Variants in EDDM3A observed in about 807,000 individuals in gnomAD.
EDDM3A encodes epididymal secretory protein E3-alpha.
For synonymous variants in EDDM3A, 75 were observed against 60.4 expected (o/e 1.24, Z -1.12); for missense variants, 199 against 177.4 (o/e 1.12, Z -0.69).
chr14:20,737,986 G>C, the EDDM3A span, among the ~76,000 whole-genome samples: 3 of 152,210 alleles, frequency 2.0e-5, no homozygotes, highest in African/African-American at 7.2e-5. Context: ...AAAGACCAAA[G>C]TATCAACATT....
intron 1 of EDDM3A, among the ~76,000 whole-genome samples, chr14:20,746,814 G>C (rs1433531851): frequency 6.6e-6 from 1 of 152,122 alleles, no homozygotes; most frequent in Non-Finnish European, 1.5e-5. Context: ...TTCTGCCTAG[G>C]AACCACCTCC....
the EDDM3A span, among the ~76,000 whole-genome samples, chr14:20,740,372 C>G: frequency 6.6e-6 from 1 of 152,338 alleles, no homozygotes; most frequent in East Asian, 1.9e-4. Flanking sequence ...GGAGTTTTTG[C>G]CAGCATGGCA....
upstream of EDDM3A, among the ~76,000 whole-genome samples, chr14:20,741,748 C>T (rs1877440155): frequency 6.6e-6 from 1 of 152,106 alleles, no homozygotes; most frequent in African/African-American, 2.4e-5. Context: ...ATGATGGGGC[C>T]CGAGGGCAGC....
At chr14:20,740,917 T>C (rs1043473766), upstream of EDDM3A, among the ~76,000 whole-genome samples, 3 of 149,192 alleles carry the variant, frequency 2.0e-5, no homozygotes, top group African/African-American at 7.8e-5. Flanking sequence ...GATTTTCCCT[T>C]CAATAATTAC....
At chr14:20,737,855 C>T in the EDDM3A span, among the ~76,000 whole-genome samples, 19 of 152,184 alleles carry the variant, frequency 1.2e-4, no homozygotes, top group Non-Finnish European at 2.6e-4. Flanking sequence ...GTAAGAAATG[C>T]TTGCTTCATA....
intron 1 of EDDM3A, among the ~76,000 whole-genome samples, chr14:20,747,223 C>G (rs1594239336): frequency 6.6e-6 from 1 of 151,758 alleles, no homozygotes; most frequent in East Asian, 1.9e-4. Context: ...CCTGCCTCAG[C>G]CTCTCGAGTA....
Position 20,747,538 on chromosome 14 carries a change from C to T in EDDM3A, c.-26-17C>T, listed in dbSNP as rs1486626381. 1 of 1,480,702 alleles carries T rather than the reference C, an allele frequency of 6.8e-7. No individual in the cohort carries two copies. The highest frequency in any genetic ancestry group is 2.1e-5 in the Admixed American group (1 of 46,592). The allele number at this position is 1,480,702 out of a possible 1,614,324, so 91.7% of individuals were successfully genotyped here. On this transcript the variant is annotated splice_polypyrimidine_tract_variant and intron_variant, in intron 1 of 1. Coordinates refer to ENST00000326842, the MANE Select transcript of EDDM3A (RefSeq NM_006683.5). ...TGAGTATAGTCTGGTTAATGCTTTTCTTTCTCTTCCCTGTAGACACGCAGG... is the reference window on the plus strand; with the variant it reads ...TGAGTATAGTCTGGTTAATGCTTTTTTTTCTCTTCCCTGTAGACACGCAGG...
At chr14:20,744,678 C>T (rs138601478), upstream of EDDM3A, among the ~76,000 whole-genome samples, 1 of 152,290 alleles carries the variant, frequency 6.6e-6, no homozygotes, top group African/African-American at 2.4e-5. Flanking sequence ...AACAACTTAG[C>T]CAGCACCTTG....
the EDDM3A span, among the ~76,000 whole-genome samples, chr14:20,737,641 T>C: frequency 1.6e-4 from 24 of 152,190 alleles, no homozygotes; most frequent in African/African-American, 5.5e-4. Flanking sequence ...TGATTTTATC[T>C]GATAATAATC....
chr14:20,744,439 A>G (rs957060865), upstream of EDDM3A, among the ~76,000 whole-genome samples: 2 of 152,244 alleles, frequency 1.3e-5, no homozygotes, highest in African/African-American at 2.4e-5. Context: ...GTTGTTAGAA[A>G]AGATTTGCAA....
upstream of EDDM3A, among the ~76,000 whole-genome samples, chr14:20,743,865 G>A (rs137955138): frequency 3.0e-3 from 451 of 152,230 alleles, 1 homozygote; most frequent in African/African-American, 0.01. Flanking sequence ...TCCTAATTGG[G>A]TTTATATCCA....
At chr14:20,737,940 A>C in the EDDM3A span, among the ~76,000 whole-genome samples, 1 of 152,328 alleles carries the variant, frequency 6.6e-6, no homozygotes, top group Non-Finnish European at 1.5e-5. Flanking sequence ...AGCGTCCTGC[A>C]ATGTTGAATG....
the EDDM3A span, among the ~76,000 whole-genome samples, chr14:20,736,694 G>A: frequency 6.6e-6 from 1 of 151,868 alleles, no homozygotes; most frequent in African/African-American, 2.4e-5. Flanking sequence ...TCTGGAGATG[G>A]GGATTTCTTT....
chr14:20,741,683 T>C (rs1007087090), upstream of EDDM3A, among the ~76,000 whole-genome samples: 62 of 152,260 alleles, frequency 4.1e-4, no homozygotes, highest in Admixed American at 2.0e-4. Flanking sequence ...ATTCACCAAA[T>C]GCCTGAAATA....
Position 20,746,162 on chromosome 14 carries a change from C to T in EDDM3A, c.-27+170C>T, listed in dbSNP as rs183358716. Reference sequence around the variant, plus strand: ...GATACAGGCTTTTCCCTGCCCCTCCCTTCCTTCACCGCCAGTCCTCCTAAG... The same window carrying T: ...GATACAGGCTTTTCCCTGCCCCTCCTTTCCTTCACCGCCAGTCCTCCTAAG... On this transcript the variant is annotated intron_variant, in intron 1 of 1. Transcript: ENST00000326842. Among the ~76,000 whole-genome samples, 3 of 152,334 alleles carry T rather than the reference C, an allele frequency of 2.0e-5. No individual in the cohort carries two copies. In the East Asian group the frequency reaches 5.8e-4, roughly 29 times the overall value.
chr14:20,738,520 T>A, the EDDM3A span, among the ~76,000 whole-genome samples: 1 of 149,778 alleles, frequency 6.7e-6, no homozygotes, highest in Admixed American at 6.6e-5. Flanking sequence ...CAGTAGCTCC[T>A]CCTCAATGGT....
chr14:20,748,377 C>A lies in EDDM3A; in HGVS notation c.*353C>A, dbSNP rs879219784. ...TCTTAAATAAAATATATTATTCTAA[C>A]GTATGTGACGCTTATATATGTTATG... is the stretch of plus-strand genomic sequence containing the variant. On this transcript the variant is annotated 3_prime_UTR_variant, in exon 2 of 2. Transcript: ENST00000326842. 11 of 195,168 alleles carry A rather than the reference C, an allele frequency of 5.6e-5. No individual in the cohort carries two copies. Among genetic ancestry groups the A allele is most frequent in the African/African-American group, 2.4e-4 (10 of 42,086 alleles). The allele number at this position is 195,168 out of a possible 1,614,324, so 12.1% of individuals were successfully genotyped here. A position where few individuals can be genotyped will look rare whatever the true frequency, so the allele number is the denominator to read the frequency against.
Position 20,748,166 on chromosome 14 carries a change from C to T in EDDM3A, c.*142C>T, listed in dbSNP as rs895493636. ...CCAACTACTTAGAGTTTATGTACCT[C>T]GTGATTTCTTGATACCAAATCTTTG... On this transcript the variant is annotated 3_prime_UTR_variant, in exon 2 of 2. Coordinates refer to ENST00000326842, the MANE Select transcript of EDDM3A (RefSeq NM_006683.5). 7 of 595,276 alleles carry T rather than the reference C, an allele frequency of 1.2e-5. No individual in the cohort carries two copies. Among genetic ancestry groups the T allele is most frequent in the Non-Finnish European group, 1.7e-5 (6 of 346,176 alleles). The allele number at this position is 595,276 out of a possible 1,614,324, so 36.9% of individuals were successfully genotyped here.
the EDDM3A span, among the ~76,000 whole-genome samples, chr14:20,735,957 A>G: frequency 3.3e-5 from 5 of 152,188 alleles, no homozygotes; most frequent in Non-Finnish European, 7.3e-5. Context: ...TCAGCAGTGG[A>G]GTGGAATGAG....
Sources: gnomAD v4.1 joint callset for allele counts (sites outside exome capture counted in the v4.1 genomes callset) on GRCh38, gnomAD v4.1.1 for gene constraint, MANE v1.5 for transcripts, NCBI Gene and HGNC (gene_info 2026-07-23, HGNC 2026-07-21) for gene names.